HHAT: variants seen among roughly 807,000 people sequenced by gnomAD.
HHAT encodes protein-cysteine N-palmitoyltransferase HHAT.
A neutral mutation model predicts 70.8 loss-of-function variants in HHAT; 47 were observed. The observed-to-expected ratio is 0.66, with a 90% CI of 0.53 to 0.85. The LOEUF is 0.85. Among genes scored for constraint, HHAT ranks in the 40% least tolerant of loss-of-function variants. The pLI is 0.00. For missense variants in HHAT, 609 were observed against 604.8 expected, an observed-to-expected ratio of 1.01 and a Z score of -0.07; for synonymous variants, 228 against 247.6, an observed-to-expected ratio of 0.92 and a Z score of 0.74.
At chr1:210,651,410 AC>A (rs1675111132) in intron 11 of HHAT, among the ~76,000 whole-genome samples, 2 of 152,220 alleles carry the variant, frequency 1.3e-5, no homozygotes. Flanking sequence ...GATATGAGTA[AC>A]TGTAGAAAGC....
intron 9 of HHAT, among the ~76,000 whole-genome samples, chr1:210,552,351 AT>A (rs1047711190): frequency 1.3e-5 from 2 of 152,148 alleles, no homozygotes; most frequent in Admixed American, 6.5e-5. Context: ...TACATGTCCG[AT>A]TTGTGTCCTT....
At chr1:210,381,614 C>CTTAG (rs1216316432) in intron 3 of HHAT, among the ~76,000 whole-genome samples, 2 of 152,122 alleles carry the variant, frequency 1.3e-5, no homozygotes, top group African/African-American at 4.8e-5. Flanking sequence ...CATGGCCTTT[C>CTTAG]TTAGACTCTG....
At chr1:210,484,963 A>T (rs575003883) in intron 8 of HHAT, among the ~76,000 whole-genome samples, 2 of 152,220 alleles carry the variant, frequency 1.3e-5, no homozygotes, top group South Asian at 4.1e-4. Context: ...TAAAGTATCC[A>T]TACATAAATT....
At chr1:210,568,586 C>A (rs1281438083) in intron 9 of HHAT, among the ~76,000 whole-genome samples, 1 of 152,194 alleles carries the variant, frequency 6.6e-6, no homozygotes, top group Non-Finnish European at 1.5e-5. Context: ...GGGGTGGGAA[C>A]ATACCCAAGC....
intron 8 of HHAT, among the ~76,000 whole-genome samples, chr1:210,485,430 C>A (rs2094459777): frequency 6.6e-6 from 1 of 152,134 alleles, no homozygotes. Context: ...GGACCCATTT[C>A]ATCTCTTCCT....
chr1:210,465,488 C>T (rs1171798564), intron 8 of HHAT, among the ~76,000 whole-genome samples: 1 of 152,156 alleles, frequency 6.6e-6, no homozygotes, highest in African/African-American at 2.4e-5. Flanking sequence ...GAGTCGGTGC[C>T]TTATTCATGT....
chr1:210,535,540 A>T (rs1433003707), intron 9 of HHAT, among the ~76,000 whole-genome samples: 1 of 151,768 alleles, frequency 6.6e-6, no homozygotes, highest in Non-Finnish European at 1.5e-5. Context: ...GGGGAGAAAG[A>T]TCAGTAGGAG....
At chr1:210,605,024 A>ACAACAACAACAT (rs1665097494) in intron 10 of HHAT, among the ~76,000 whole-genome samples, 1 of 151,750 alleles carries the variant, frequency 6.6e-6, no homozygotes, top group African/African-American at 2.4e-5. Flanking sequence ...AACAACAACA[A>ACAACAACAACAT]CAACAACAAC....
At chr1:210,511,150 T>A (rs2094945875) in intron 8 of HHAT, among the ~76,000 whole-genome samples, 1 of 152,238 alleles carries the variant, frequency 6.6e-6, no homozygotes, top group African/African-American at 2.4e-5. Flanking sequence ...TTAAATATAA[T>A]TTTAGGAAGA....
At chr1:210,411,401 C>T (rs1230601576) in intron 6 of HHAT, among the ~76,000 whole-genome samples, 1 of 152,190 alleles carries the variant, frequency 6.6e-6, no homozygotes, top group Non-Finnish European at 1.5e-5. Flanking sequence ...AGATTATCTG[C>T]TGTCAACACT....
chr1:210,658,299 C>T (rs948547818), intron 11 of HHAT, among the ~76,000 whole-genome samples: 3 of 152,154 alleles, frequency 2.0e-5, no homozygotes, highest in Admixed American at 2.0e-4. Context: ...TTCCTCCCAG[C>T]CCTGCCCCTG....
At position 210,381,577 on chromosome 1, in the gene HHAT, G is replaced by A. The variant is rs149372310; in HGVS notation, c.160-5891G>A. 7.9e-3 allele frequency among the ~76,000 whole-genome samples: 1,197 copies of A among 152,084 alleles called. 60 individuals carry two copies. Among genetic ancestry groups the A allele is most frequent in the Admixed American group, 0.073 (1,113 of 15,278 alleles). ...ATTACAGGCATGAGCTACTGCACCC[G>A]GCCTCAAATCATTTTTAAGGCTTAC... On this transcript the variant is annotated intron_variant, in intron 3 of 11. Transcript: ENST00000261458.
chr1:210,345,385 C>T (rs548490324), intron 1 of HHAT, among the ~76,000 whole-genome samples: 1 of 152,286 alleles, frequency 6.6e-6, no homozygotes, highest in South Asian at 2.1e-4. Context: ...TCAGTGAGCC[C>T]ACCCTAATTG....
intron 10 of HHAT, among the ~76,000 whole-genome samples, chr1:210,594,535 G>C (rs1475500166): frequency 6.6e-5 from 10 of 152,042 alleles, no homozygotes; most frequent in African/African-American, 2.4e-5. Flanking sequence ...AGTTGTTGTT[G>C]TTATTTGTTT....
At chr1:210,544,743 A>G (rs17016393) in intron 9 of HHAT, among the ~76,000 whole-genome samples, 9,547 of 152,134 alleles carry the variant, frequency 0.063, 597 homozygotes, top group East Asian at 0.3. Context: ...GTTCTCTTAT[A>G]GGTGTCCTTC....
In HHAT at chr1:210,450,959, C is replaced by T. The variant is rs368266396; in HGVS notation, c.857-13546C>T. 5.1e-4 allele frequency among the ~76,000 whole-genome samples: 78 copies of T among 151,948 alleles called. No homozygotes were observed. The South Asian group carries it at 0.016, about 30-fold the overall frequency. ...AAAATTAGCCGGGTGTGGTGGTGGG[C>T]ACCTGTAGTCCCAGCTACTTGGGAG... is the stretch of plus-strand genomic sequence containing the variant. On this transcript the variant is annotated intron_variant, in intron 7 of 11. Coordinates refer to ENST00000261458, the MANE Select transcript of HHAT (RefSeq NM_018194.6).
At chr1:210,472,202 C>T (rs969809632) in intron 8 of HHAT, among the ~76,000 whole-genome samples, 22 of 152,230 alleles carry the variant, frequency 1.4e-4, no homozygotes, top group Admixed American at 7.9e-4. Flanking sequence ...TCCTCCCACA[C>T]GGCTTGTTCC....
intron 7 of HHAT, 138 bp from the exon 8 acceptor site, chr1:210,464,367 T>G: frequency 1.3e-6 from 1 of 799,112 alleles, no homozygotes. Context: ...GGAATACTTT[T>G]GTGAAATGTG....
chr1:210,542,413 G>A (rs12075603), intron 9 of HHAT, among the ~76,000 whole-genome samples: 9,903 of 151,752 alleles, frequency 0.065, 643 homozygotes, highest in East Asian at 0.29. Context: ...TTCTTTTCCT[G>A]TTTCTGTCAT....
Sources: gnomAD v4.1 joint callset for allele counts (sites outside exome capture counted in the v4.1 genomes callset) on GRCh38, gnomAD v4.1.1 for gene constraint, MANE v1.5 for transcripts, NCBI Gene and HGNC (gene_info 2026-07-23, HGNC 2026-07-21) for gene names.